The following MDGA2 variants were observed in gnomAD, a reference collection of about 807,000 sequenced individuals.
MDGA2 encodes MAM domain containing glycosylphosphatidylinositol anchor 2.
A neutral mutation model predicts 117.8 loss-of-function variants in MDGA2; 40 were observed. The observed-to-expected ratio is 0.34, with a 90% confidence interval of 0.26 to 0.44. MDGA2 has a LOEUF of 0.44. Among genes scored for constraint, MDGA2 ranks in the 20% least tolerant of loss-of-function variants. The probability of loss-of-function intolerance (pLI) is 1.00; values close to 1 mark genes in which losing one functional copy is unlikely to be tolerated. For missense variants in MDGA2, 1,123 were observed against 1,250.6 expected (o/e 0.90, Z 1.54); for synonymous variants, 452 against 439.0 (o/e 1.03, Z -0.37).
intron 6 of MDGA2, among the ~76,000 whole-genome samples, 200 bp from the exon 7 acceptor site, chr14:47,061,778 A>G (rs555758884): frequency 6.6e-6 from 1 of 152,058 alleles, no homozygotes; most frequent in Non-Finnish European, 1.5e-5. Context: ...ATCTAAGTCA[A>G]TTAAAGACTG....
intron 1 of MDGA2, among the ~76,000 whole-genome samples, chr14:47,642,224 C>T (rs1897439530): frequency 6.6e-6 from 1 of 152,060 alleles, no homozygotes; most frequent in Admixed American, 6.5e-5. Context: ...TCAGCTCCCT[C>T]ACCAGTAAAA....
chr14:46,892,089 C>A (rs1250701922), intron 10 of MDGA2, among the ~76,000 whole-genome samples: 2 of 151,310 alleles, frequency 1.3e-5, no homozygotes, highest in Non-Finnish European at 3.0e-5. Flanking sequence ...TTTAAATAAG[C>A]TTATTTAAAG....
At chr14:47,517,976 TGAG>T (rs1471075955) in intron 1 of MDGA2, among the ~76,000 whole-genome samples, 2 of 152,134 alleles carry the variant, frequency 1.3e-5, no homozygotes, top group Non-Finnish European at 2.9e-5. Flanking sequence ...GTGCCCATGA[TGAG>T]GAGAGAAAAA....
chr14:47,023,459 T>C (rs116032834), intron 8 of MDGA2, among the ~76,000 whole-genome samples: 1 of 152,288 alleles, frequency 6.6e-6, no homozygotes, highest in African/African-American at 2.4e-5. Context: ...AGGCATCATC[T>C]AATTTAATCC....
chr14:47,253,194 A>G (rs1262191298), intron 2 of MDGA2, among the ~76,000 whole-genome samples: 3 of 152,166 alleles, frequency 2.0e-5, no homozygotes. Flanking sequence ...GCCTCTCTCA[A>G]ATCTCATGTC....
intron 1 of MDGA2, among the ~76,000 whole-genome samples, chr14:47,323,729 C>T (rs1594796033): frequency 4.0e-5 from 5 of 124,388 alleles, no homozygotes; most frequent in East Asian, 1.9e-4. Context: ...ACTGGAATGA[C>T]GTCTTCAGTT....
Position 46,937,202 on chromosome 14 carries a change from C to T in MDGA2, c.2090-17042G>A, listed in dbSNP as rs115009638. Among the ~76,000 whole-genome samples the T allele has an allele frequency of 6.7e-3, 1,008 of 150,076 alleles. 11 individuals are homozygous for T. Among genetic ancestry groups the T allele is most frequent in the African/African-American group, 0.023 (944 of 40,732 alleles). On this transcript the variant is annotated intron_variant, in intron 9 of 16. Coordinates refer to ENST00000399232, the MANE Select transcript of MDGA2 (RefSeq NM_001113498.3). ...ACAATGCCATTTACAACAGGCACAC[C>T]GCTCCCCCGACACCCCCCCCAACAC... is the stretch of plus-strand genomic sequence containing the variant.
Position 47,219,027 on chromosome 14 carries a change from T to C in MDGA2, c.421-832A>G, listed in dbSNP as rs941338469. On this transcript the variant is annotated intron_variant, in intron 2 of 16. Transcript: ENST00000399232. ...CTGAATAAAAGCCACATACTCATAC[T>C]GTAAAGTGATACAAAATAGAAAGTA... Among the ~76,000 whole-genome samples, 14 of 152,194 alleles carry C rather than the reference T, an allele frequency of 9.2e-5. No homozygotes were observed. In the East Asian group the frequency reaches 1.9e-3, roughly 21 times the overall value.
At chr14:46,914,917 A>C (rs762742421) in intron 10 of MDGA2, among the ~76,000 whole-genome samples, 19 of 152,286 alleles carry the variant, frequency 1.2e-4, no homozygotes, top group Admixed American at 4.6e-4. Context: ...AAATCACAAA[A>C]TATGTAACAT....
At chr14:47,106,453 T>C (rs4569169) in intron 5 of MDGA2, among the ~76,000 whole-genome samples, 19,690 of 151,768 alleles carry the variant, frequency 0.13, 1,406 homozygotes, top group African/African-American at 0.16. Context: ...AGGAGCTTGC[T>C]ACATGTGCCG....
chr14:47,156,980 C>T (rs1222650223), intron 3 of MDGA2, among the ~76,000 whole-genome samples: 4 of 152,090 alleles, frequency 2.6e-5, no homozygotes, highest in African/African-American at 9.7e-5. Flanking sequence ...ATGACCACAA[C>T]CTGACTGAAA....
chr14:46,944,424 G>A (rs76429748), intron 9 of MDGA2, among the ~76,000 whole-genome samples: 8,945 of 151,618 alleles, frequency 0.059, 354 homozygotes, highest in African/African-American at 0.1. Context: ...ATTGGACTAT[G>A]GTATTCTTAC....
chr14:47,117,941 C>T (rs1388763273), intron 5 of MDGA2, among the ~76,000 whole-genome samples: 1 of 151,996 alleles, frequency 6.6e-6, no homozygotes, highest in African/African-American at 2.4e-5. Flanking sequence ...ATTTAAAAAC[C>T]ATGTTTTAAA....
chr14:47,363,383 G>C (rs1303064894), intron 1 of MDGA2, among the ~76,000 whole-genome samples: 2 of 151,988 alleles, frequency 1.3e-5, no homozygotes, highest in East Asian at 3.9e-4. Context: ...TGAGCCTCCT[G>C]AGTAGCTGGG....
chr14:47,295,954 A>C (rs900434025), intron 2 of MDGA2, among the ~76,000 whole-genome samples: 2 of 151,198 alleles, frequency 1.3e-5, no homozygotes, highest in Non-Finnish European at 3.0e-5. Context: ...AGATAGATAG[A>C]TAGATAGATA....
chr14:47,641,688 A>G (rs1475324443), intron 1 of MDGA2, among the ~76,000 whole-genome samples: 1 of 152,158 alleles, frequency 6.6e-6, no homozygotes, highest in Non-Finnish European at 1.5e-5. Context: ...TCAACCTCTT[A>G]GAATATATTT....
chr14:46,846,460 G>T (rs1403493719), intron 15 of MDGA2, among the ~76,000 whole-genome samples: 1 of 151,976 alleles, frequency 6.6e-6, no homozygotes, highest in Non-Finnish European at 1.5e-5. Flanking sequence ...TAAACTTGAA[G>T]ATATGTATCA....
At chr14:47,403,494 T>TC (rs1892198055) in intron 1 of MDGA2, among the ~76,000 whole-genome samples, 1 of 152,170 alleles carries the variant, frequency 6.6e-6, no homozygotes, top group South Asian at 2.1e-4. Flanking sequence ...AATGAACTGA[T>TC]CACTAGGTGC....
intron 15 of MDGA2, among the ~76,000 whole-genome samples, chr14:46,852,251 C>T (rs1881087526): frequency 6.6e-6 from 1 of 151,190 alleles, no homozygotes; most frequent in Non-Finnish European, 1.5e-5. Flanking sequence ...CTTTAAATTA[C>T]CAAATAACTG....
Sources: allele counts gnomAD v4.1 joint callset (sites outside exome capture counted in the v4.1 genomes callset), GRCh38; gene constraint gnomAD v4.1.1; transcripts MANE v1.5; gene names NCBI Gene and HGNC (gene_info 2026-07-23, HGNC 2026-07-21).